DLG2: variants seen among roughly 807,000 people sequenced by gnomAD.
The protein encoded by DLG2 is discs large MAGUK scaffold protein 2.
A neutral mutation model predicts 132.5 loss-of-function variants in DLG2; 45 were observed. The observed-to-expected ratio is 0.34, with a 90% confidence interval of 0.27 to 0.44. The LOEUF (loss-of-function observed/expected upper bound fraction) is 0.44. Among genes scored for constraint, DLG2 ranks in the 20% least tolerant of loss-of-function variants. The probability of loss-of-function intolerance (pLI) is 1.00; values close to 1 mark genes in which losing one functional copy is unlikely to be tolerated. For synonymous variants in DLG2, 424 were observed against 419.6 expected (o/e 1.01, Z -0.13); for missense variants, 1,045 against 1,196.9 (o/e 0.87, Z 1.87).
At chr11:84,281,696 A>G (rs1160625074) in intron 7 of DLG2, among the ~76,000 whole-genome samples, 1 of 151,670 alleles carries the variant, frequency 6.6e-6, no homozygotes, top group African/African-American at 2.4e-5. Context: ...AAACCCAAAA[A>G]TGAGCCAAAG....
At chr11:84,461,713 T>C (rs1426496229) in intron 7 of DLG2, among the ~76,000 whole-genome samples, 1 of 150,966 alleles carries the variant, frequency 6.6e-6, no homozygotes, top group Non-Finnish European at 1.5e-5. Flanking sequence ...AAAAGTTAAC[T>C]GGCAGGGCTT....
At chr11:83,527,959 T>C (rs1256528884) in intron 21 of DLG2, among the ~76,000 whole-genome samples, 3 of 152,044 alleles carry the variant, frequency 2.0e-5, no homozygotes, top group African/African-American at 7.2e-5. Context: ...TAAAAAAAGG[T>C]AGAAGGACAA....
intron 6 of DLG2, among the ~76,000 whole-genome samples, chr11:84,784,224 G>A (rs1430876299): frequency 3.4e-5 from 5 of 146,934 alleles, no homozygotes; most frequent in Non-Finnish European, 7.4e-5. Context: ...TCAGGAGGCT[G>A]AGGCATAATT....
chr11:83,591,169 C>A, intron 19 of DLG2, among the ~76,000 whole-genome samples: 1 of 147,886 alleles, frequency 6.8e-6, no homozygotes, highest in Non-Finnish European at 1.5e-5. Context: ...GATACCAAAG[C>A]CAGGCAGAGA....
chr11:84,267,533 T>C (rs2154361708), intron 7 of DLG2, among the ~76,000 whole-genome samples: 1 of 152,334 alleles, frequency 6.6e-6, no homozygotes, highest in South Asian at 2.1e-4. Context: ...GCTGTGGGTA[T>C]AGAAACTCAC....
intron 6 of DLG2, among the ~76,000 whole-genome samples, chr11:85,058,139 A>G (rs2063654692): frequency 6.6e-6 from 1 of 151,586 alleles, no homozygotes; most frequent in African/African-American, 2.4e-5. Context: ...CAAATTATTT[A>G]CATAGTAAAT....
intron 7 of DLG2, among the ~76,000 whole-genome samples, chr11:84,290,197 C>T (rs1365329097): frequency 6.6e-6 from 1 of 152,112 alleles, no homozygotes; most frequent in Non-Finnish European, 1.5e-5. Flanking sequence ...TATTGCCTCT[C>T]AGGGACAGGA....
intron 7 of DLG2, among the ~76,000 whole-genome samples, chr11:84,482,960 T>C (rs547582474): frequency 6.6e-6 from 1 of 152,320 alleles, no homozygotes; most frequent in Admixed American, 6.5e-5. Context: ...ATGTTGACTA[T>C]GGTTGTCAAA....
chr11:84,908,190 C>G (rs961546281), intron 6 of DLG2, among the ~76,000 whole-genome samples: 1 of 151,722 alleles, frequency 6.6e-6, no homozygotes, highest in Non-Finnish European at 1.5e-5. Context: ...TTCTAGTAGC[C>G]ACATTGAAAA....
intron 15 of DLG2, among the ~76,000 whole-genome samples, chr11:83,876,524 G>T (rs1185939069): frequency 6.6e-6 from 1 of 151,896 alleles, no homozygotes; most frequent in Non-Finnish European, 1.5e-5. Flanking sequence ...ATAAAAATGA[G>T]AAATTAAAAA....
In DLG2 at chr11:84,596,812, C is replaced by T. The variant is rs555954167; in HGVS notation, c.358-62081G>A. Among the ~76,000 whole-genome samples the T allele has an allele frequency of 5.3e-4, 81 of 152,188 alleles. 1 individual carries two copies. The highest frequency in any genetic ancestry group is 1.7e-3 in the African/African-American group (70 of 41,526). The stretch of plus-strand genomic sequence containing the variant: ...AGGTTGAACTGTTAACTTAATTGTA[C>T]GAAATATATCACTTTCCAAATCCTT... On this transcript the variant is annotated intron_variant, in intron 6 of 27. Coordinates refer to ENST00000376104, the MANE Select transcript of DLG2 (RefSeq NM_001142699.3).
intron 16 of DLG2, among the ~76,000 whole-genome samples, chr11:83,845,753 TG>T (rs2058491977): frequency 2.0e-5 from 3 of 152,220 alleles, no homozygotes; most frequent in African/African-American, 7.2e-5. Flanking sequence ...GGAAAGAGTA[TG>T]GGCATTGGAG....
chr11:83,609,885 T>C (rs1337855379), intron 19 of DLG2, among the ~76,000 whole-genome samples: 1 of 152,212 alleles, frequency 6.6e-6, no homozygotes, highest in African/African-American at 2.4e-5. Context: ...GGCAGCCACA[T>C]AGATACAGGT....
chr11:85,355,202 T>A (rs1040391394), intron 3 of DLG2, among the ~76,000 whole-genome samples: 7 of 152,152 alleles, frequency 4.6e-5, no homozygotes, highest in Admixed American at 1.3e-4. Context: ...AGATTGAATA[T>A]TCACTGAGTT....
intron 6 of DLG2, among the ~76,000 whole-genome samples, chr11:84,747,490 A>G (rs2065527406): frequency 6.6e-6 from 1 of 152,214 alleles, no homozygotes; most frequent in South Asian, 2.1e-4. Context: ...TTTGTAATAA[A>G]CTAGATATGT....
chr11:84,700,190 C>T (rs774677452), intron 6 of DLG2, among the ~76,000 whole-genome samples: 18 of 151,428 alleles, frequency 1.2e-4, no homozygotes, highest in Non-Finnish European at 2.1e-4. Context: ...ATTATTTGTA[C>T]AGTATAAAAC....
intron 18 of DLG2, among the ~76,000 whole-genome samples, chr11:83,695,666 G>T (rs1241570342): frequency 2.6e-5 from 4 of 152,170 alleles, no homozygotes; most frequent in Non-Finnish European, 5.9e-5. Context: ...TTAAACCTGG[G>T]AGGTGGAGGT....
At chr11:84,017,623 C>A (rs980709261) in intron 11 of DLG2, among the ~76,000 whole-genome samples, 5 of 151,996 alleles carry the variant, frequency 3.3e-5, no homozygotes, top group Non-Finnish European at 7.4e-5. Context: ...TACCATGACA[C>A]CTGGGGGCCT....
chr11:84,543,590 T>C (rs1196312546), intron 6 of DLG2, among the ~76,000 whole-genome samples: 2 of 152,178 alleles, frequency 1.3e-5, no homozygotes, highest in South Asian at 2.1e-4. Context: ...CTCTAGTGCC[T>C]GCCACATAGG....
Sources: allele counts gnomAD v4.1 joint callset (sites outside exome capture counted in the v4.1 genomes callset), GRCh38; gene constraint gnomAD v4.1.1; transcripts MANE v1.5; gene names NCBI Gene and HGNC (gene_info 2026-07-23, HGNC 2026-07-21).